The following ATP10A variants were observed in gnomAD, a reference collection of about 807,000 sequenced individuals.
ATP10A encodes ATPase phospholipid transporting 10A (putative).
ATP10A carries 111 observed loss-of-function variants against 147.8 expected under a neutral mutation model. That is an observed-to-expected ratio of 0.75 (90% CI 0.64 to 0.88). ATP10A has a LOEUF of 0.88. Among genes scored for constraint, ATP10A ranks in the 40% least tolerant of loss-of-function variants. The pLI, the probability that ATP10A is intolerant of heterozygous loss-of-function variation, is 0.00. For missense variants in ATP10A, 1,927 were observed against 1,959.0 expected, an observed-to-expected ratio of 0.98 and a Z score of 0.31; for synonymous variants, 875 against 841.6, an observed-to-expected ratio of 1.04 and a Z score of -0.69.
intron 12 of ATP10A, among the ~76,000 whole-genome samples, chr15:25,706,157 A>G (rs1900998099): frequency 6.6e-6 from 1 of 152,184 alleles, no homozygotes; most frequent in African/African-American, 2.4e-5. Flanking sequence ...AAGGCCTAAG[A>G]AGATGACTGG....
At chr15:25,818,487 C>A (rs751785327) in intron 1 of ATP10A, among the ~76,000 whole-genome samples, 1 of 152,058 alleles carries the variant, frequency 6.6e-6, no homozygotes, top group African/African-American at 2.4e-5. Flanking sequence ...GTTCCATGTT[C>A]GTGGACCAGA....
chr15:25,836,631 T>C lies in ATP10A; in HGVS notation c.449+26017A>G, dbSNP rs185742446. Among the ~76,000 whole-genome samples, 7 of 152,226 alleles carry C rather than the reference T, an allele frequency of 4.6e-5. 1 individual carries two copies. The highest frequency in any genetic ancestry group is 2.6e-4 in the Admixed American group (4 of 15,286). ...CGCGGCCAGAGCTGAGCAGCCTCCC[T>C]GTTCCCTCAGGCAGCTTTGTCCCTA... On this transcript the variant is annotated intron_variant, in intron 1 of 20. Transcript: ENST00000555815.
intron 15 of ATP10A, among the ~76,000 whole-genome samples, chr15:25,689,509 C>T (rs866283759): frequency 1.3e-4 from 20 of 152,292 alleles, no homozygotes; most frequent in South Asian, 2.1e-4. Context: ...TCTGGCATCC[C>T]TCTCCCTCAG....
At chr15:25,768,979 T>TA (rs1889182747) in intron 2 of ATP10A, among the ~76,000 whole-genome samples, 1 of 152,144 alleles carries the variant, frequency 6.6e-6, no homozygotes, top group Non-Finnish European at 1.5e-5. Context: ...GAGAGTTTAG[T>TA]TAAGGGTTGA....
intron 1 of ATP10A, among the ~76,000 whole-genome samples, chr15:25,792,293 C>A (rs1890462164): frequency 6.6e-6 from 1 of 152,240 alleles, no homozygotes; most frequent in South Asian, 2.1e-4. Context: ...AGTCTTCATG[C>A]AAAGGTACCT....
intron 1 of ATP10A, among the ~76,000 whole-genome samples, chr15:25,810,357 G>A (rs993211370): frequency 2.0e-5 from 3 of 152,188 alleles, no homozygotes; most frequent in Non-Finnish European, 4.4e-5. Context: ...CCAAGCCCTA[G>A]GTACCTGCAC....
chr15:25,774,546 A>C (rs540640259), intron 2 of ATP10A, among the ~76,000 whole-genome samples: 5 of 151,256 alleles, frequency 3.3e-5, no homozygotes, highest in African/African-American at 1.2e-4. Context: ...ATTGCACTCC[A>C]GCCTGGGCAA....
rs778115267 is a variant in ATP10A at position 25,708,267 on chromosome 15, C to G, written c.2378G>C (p.Arg793Pro). 3 of 1,614,004 alleles carry G rather than the reference C, an allele frequency of 1.9e-6. No homozygotes were observed. In the African/African-American group the frequency reaches 4.0e-5, roughly 22 times the overall value. Reference protein sequence around the residue: ...DARGRHQKKIRSKTQNYLNVY... With the variant: ...DARGRHQKKIPSKTQNYLNVY... ...GTTGAGGTAATTCTGAGTTTTGCTCCGAATCTTTTTTTGATGCCTCCCTCT... is the reference window on the plus strand; with the variant it reads ...GTTGAGGTAATTCTGAGTTTTGCTCGGAATCTTTTTTTGATGCCTCCCTCT... Residue 793 changes from arginine to proline, a missense_variant, in exon 11 of 21, where the codon CGG becomes CCG. By Grantham distance (103) the Arg-to-Pro change is moderately radical. Transcript: ENST00000555815.
intron 1 of ATP10A, among the ~76,000 whole-genome samples, chr15:25,843,088 G>A (rs1892875508): frequency 6.6e-6 from 1 of 152,166 alleles, no homozygotes; most frequent in Non-Finnish European, 1.5e-5. Flanking sequence ...ATTGTTCTGA[G>A]TGGCTGCCAG....
chr15:25,702,483 G>A (rs1262210155), intron 12 of ATP10A, among the ~76,000 whole-genome samples: 1 of 152,186 alleles, frequency 6.6e-6, no homozygotes, highest in African/African-American at 2.4e-5. Flanking sequence ...GATATTCGGA[G>A]GGATAAAAAT....
chr15:25,803,536 G>A (rs561867510), intron 1 of ATP10A, among the ~76,000 whole-genome samples: 65 of 152,298 alleles, frequency 4.3e-4, no homozygotes, highest in South Asian at 2.3e-3. Context: ...GTGTGAATCC[G>A]TATGAACCAG....
At chr15:25,768,111 C>T (rs1406062210) in intron 2 of ATP10A, among the ~76,000 whole-genome samples, 1 of 152,216 alleles carries the variant, frequency 6.6e-6, no homozygotes, top group East Asian at 1.9e-4. Flanking sequence ...GGATGAGGGA[C>T]AGCCAGGTCA....
At position 25,714,083 on chromosome 15, in the gene ATP10A, C is replaced by CG; in HGVS notation, c.1934dup (p.Ser646ValfsTer55). 6.2e-7 allele frequency: 1 copy of CG among 1,613,226 alleles called. No individual in the cohort carries two copies. The highest frequency in any genetic ancestry group is 8.5e-7 in the Non-Finnish European group (1 of 1,180,028). On this transcript the variant is annotated frameshift_variant, in exon 10 of 21. Transcript: ENST00000555815. LOFTEE classifies it high-confidence loss of function. ...GCCTGAGAAGCATGCCGTCGCTGGA[C>CG]GGGGTGGACGGGAAGCTGGAGCCCA...
intron 1 of ATP10A, among the ~76,000 whole-genome samples, chr15:25,820,269 G>C (rs17116217): frequency 1.6e-4 from 25 of 152,116 alleles, no homozygotes; most frequent in African/African-American, 6.0e-4. Flanking sequence ...CGGAAGGTAG[G>C]TCCATTCACC....
chr15:25,750,667 T>C (rs1459013130), intron 2 of ATP10A, among the ~76,000 whole-genome samples: 1 of 151,896 alleles, frequency 6.6e-6, no homozygotes, highest in Non-Finnish European at 1.5e-5. Flanking sequence ...ATAAGCAAAA[T>C]GTATCATAAA....
chr15:25,714,294 G>A (rs1901641988), intron 9 of ATP10A, 53 bp from the exon 10 acceptor site: 1 of 1,551,912 alleles, frequency 6.4e-7, no homozygotes, highest in East Asian at 2.3e-5. Context: ...GTCCCCCAGA[G>A]GCCCCACCCT....
intron 3 of ATP10A, among the ~76,000 whole-genome samples, chr15:25,731,163 G>A (rs1009110753): frequency 1.3e-5 from 2 of 152,160 alleles, no homozygotes; most frequent in Admixed American, 6.5e-5. Context: ...TGCTCGTGCC[G>A]GCCCTATGCG....
intron 2 of ATP10A, among the ~76,000 whole-genome samples, chr15:25,752,501 G>A (rs1888206637): frequency 6.6e-6 from 1 of 152,170 alleles, no homozygotes; most frequent in Admixed American, 6.5e-5. Flanking sequence ...AGTTGGGAGA[G>A]ATGGGGAGAT....
intron 2 of ATP10A, among the ~76,000 whole-genome samples, chr15:25,759,372 G>A (rs1031077027): frequency 1.3e-5 from 2 of 152,190 alleles, no homozygotes; most frequent in African/African-American, 2.4e-5. Context: ...ATAATTTTAT[G>A]TGTGATCAGA....
Sources: gnomAD v4.1 joint callset for allele counts (sites outside exome capture counted in the v4.1 genomes callset) on GRCh38, gnomAD v4.1.1 for gene constraint, MANE v1.5 for transcripts, NCBI Gene and HGNC (gene_info 2026-07-23, HGNC 2026-07-21) for gene names.